The following DMD variants were observed in gnomAD, a reference collection of about 807,000 sequenced individuals.
The protein encoded by DMD is mutant dystrophin.
Under a neutral mutation model 330.1 loss-of-function variants are expected in DMD, and 63 were observed. That is an observed-to-expected ratio of 0.19 (90% CI 0.16 to 0.24). The LOEUF (loss-of-function observed/expected upper bound fraction) is 0.24. Among genes scored for constraint, DMD ranks in the 10% least tolerant of loss-of-function variants. The pLI is 1.00. For synonymous variants in DMD, 1,223 were observed against 959.8 expected, an observed-to-expected ratio of 1.27 and a Z score of -5.07; for missense variants, 3,344 against 2,684.1, an observed-to-expected ratio of 1.25 and a Z score of -5.43.
intron 12 of DMD, among the ~76,000 whole-genome samples, chrX:32,603,072 A>G (rs2056363419): frequency 1.8e-5 from 2 of 111,270 alleles, no homozygotes; most frequent in African/African-American, 6.5e-5. Context: ...CATTATTCTC[A>G]TCTGCACGTG....
intron 53 of DMD, among the ~76,000 whole-genome samples, chrX:31,666,569 T>G (rs2081440280): frequency 1.8e-5 from 2 of 112,116 alleles, no homozygotes; most frequent in Non-Finnish European, 3.8e-5. Flanking sequence ...TTCTAATACC[T>G]CCAGACAGTC....
intron 44 of DMD, among the ~76,000 whole-genome samples, chrX:32,089,436 C>T (rs754788236): frequency 9.3e-4 from 104 of 111,655 alleles, no homozygotes; most frequent in African/African-American, 3.3e-3. Flanking sequence ...TCTCCCTCCA[C>T]TTGTGTTCCA....
chrX:31,496,880 C>G lies in DMD; in HGVS notation c.8455G>C (p.Val2819Leu). ...RLHLSLQELL[V>L]WLQLKDDELS... is the part of the protein sequence containing the mutation. ...TCATCATCTTTCAGCTGTAGCCACA[C>G]CAGAAGTTCCTGCAGAGAAAGGTGC... The change falls in exon 57 of 79, where the codon GTG becomes CTG. Residue 2819 changes from valine to leucine, a missense_variant. Coordinates refer to ENST00000357033, the MANE Select transcript of DMD (RefSeq NM_004006.3). 1 of 1,211,364 alleles carries G rather than the reference C, an allele frequency of 8.3e-7. No homozygotes were observed. Among genetic ancestry groups the G allele is most frequent in the South Asian group, 1.8e-5 (1 of 56,811 alleles).
chrX:32,819,883 G>C lies in DMD; in HGVS notation c.358-3243C>G, dbSNP rs184026773. 2.8e-5 allele frequency among the ~76,000 whole-genome samples: 3 copies of C among 107,724 alleles called. No homozygotes were observed. The Admixed American group carries it at 3.0e-4, about 11-fold the overall frequency. The allele number at this position is 107,724 out of a possible 115,157, so 93.5% of individuals were successfully genotyped here. A position where few individuals can be genotyped will look rare whatever the true frequency, so the allele number is the denominator to read the frequency against. ...AAAAAAAAAGAAAAACACATTTTTA[G>C]ATTCACTGGATTATGATGAACACTG... is the stretch of plus-strand genomic sequence containing the variant. On this transcript the variant is annotated intron_variant, in intron 5 of 78. Coordinates refer to ENST00000357033, the MANE Select transcript of DMD (RefSeq NM_004006.3).
intron 44 of DMD, among the ~76,000 whole-genome samples, chrX:32,037,182 A>T (rs1365073015): frequency 1.8e-5 from 2 of 112,300 alleles, no homozygotes. Context: ...ATACTAGAGA[A>T]TGTTCAAATG....
intron 44 of DMD, among the ~76,000 whole-genome samples, chrX:32,107,336 A>ATG (rs1369594798): frequency 5.1e-5 from 3 of 59,053 alleles, no homozygotes; most frequent in African/African-American, 1.9e-4. Flanking sequence ...ATATATAATT[A>ATG]TATGTGTGTG....
chrX:31,484,967 G>A lies in DMD; in HGVS notation c.8548-5864C>T, dbSNP rs371763288. On this transcript the variant is annotated intron_variant, in intron 57 of 78. Coordinates refer to ENST00000357033, the MANE Select transcript of DMD (RefSeq NM_004006.3). ...TGCAAATTGAGATACAGATAAGTTA[G>A]GGTTTACCTAAGGCCATCAGTTAAT... Among the ~76,000 whole-genome samples, 32 of 111,830 alleles carry A rather than the reference G, an allele frequency of 2.9e-4. No individual in the cohort carries two copies. In the East Asian group the frequency reaches 5.9e-3, roughly 21 times the overall value.
At chrX:31,922,487 T>A (rs1371047255) in intron 47 of DMD, among the ~76,000 whole-genome samples, 1 of 96,038 alleles carries the variant, frequency 1.0e-5, no homozygotes, top group African/African-American at 4.3e-5. Flanking sequence ...AGGCCTGGAC[T>A]TGAGACTGGT....
intron 61 of DMD, among the ~76,000 whole-genome samples, chrX:31,326,337 T>C (rs1481670913): frequency 9.0e-6 from 1 of 111,441 alleles, no homozygotes; most frequent in Non-Finnish European, 1.9e-5. Context: ...TTTAAAAATA[T>C]TATAAATTCT....
chrX:33,336,282 C>T (rs2054253916), intron 1 of DMD, among the ~76,000 whole-genome samples: 1 of 104,916 alleles, frequency 9.5e-6, no homozygotes, highest in Non-Finnish European at 1.9e-5. Flanking sequence ...TGTGTATGCA[C>T]ATGCTTAAGT....
At chrX:31,483,133 A>T (rs182477870) in intron 57 of DMD, among the ~76,000 whole-genome samples, 2 of 93,345 alleles carry the variant, frequency 2.1e-5, no homozygotes, top group Non-Finnish European at 4.1e-5. Context: ...TGCAAGCTCC[A>T]CCTCCCAGGT....
intron 43 of DMD, among the ~76,000 whole-genome samples, chrX:32,280,144 G>GTATATATATA (rs200390755): frequency 1.3e-4 from 6 of 46,158 alleles, no homozygotes; most frequent in Non-Finnish European, 2.3e-4. Context: ...TATATATACA[G>GTATATATATA]TATATATATA....
intron 44 of DMD, among the ~76,000 whole-genome samples, chrX:32,001,469 G>A (rs1166703627): frequency 1.8e-5 from 2 of 109,903 alleles, no homozygotes; most frequent in African/African-American, 6.6e-5. Flanking sequence ...TTCTAAAATT[G>A]TCTTGGGTTA....
chrX:32,303,243 C>T (rs5927962), intron 42 of DMD, among the ~76,000 whole-genome samples: 18,599 of 110,484 alleles, frequency 0.17, 1,268 homozygotes, highest in Non-Finnish European at 0.2. Flanking sequence ...CCAGCGCTTA[C>T]TAACACTGCC....
intron 46 of DMD, 76 bp from the exon 47 acceptor site, chrX:31,929,821 A>C: frequency 1.7e-6 from 2 of 1,145,492 alleles, no homozygotes; most frequent in South Asian, 3.6e-5. Flanking sequence ...GCTTCTATTG[A>C]TTAGTCTATC....
chrX:32,450,461 A>C lies in DMD; in HGVS notation c.3604-1823T>G, dbSNP rs566176017. Among the ~76,000 whole-genome samples the C allele has an allele frequency of 4.7e-4, 52 of 111,059 alleles. No homozygotes were observed. The South Asian group carries it at 0.019, about 40-fold the overall frequency. ...TGAGCATAGAGATTGTTTTTACACA[A>C]ATTGCATTTTGACTTTAGTAATTAT... On this transcript the variant is annotated intron_variant, in intron 26 of 78. Transcript: ENST00000357033.
intron 48 of DMD, among the ~76,000 whole-genome samples, chrX:31,872,274 A>G (rs2093904031): frequency 9.0e-6 from 1 of 111,264 alleles, no homozygotes; most frequent in Admixed American, 9.6e-5. Context: ...GGCAAATATC[A>G]TGACTCTCAG....
At chrX:31,169,994 TTGTAC>T (rs1253669393) in intron 73 of DMD, among the ~76,000 whole-genome samples, 3 of 112,354 alleles carry the variant, frequency 2.7e-5, no homozygotes, top group Non-Finnish European at 3.8e-5. Context: ...CACGCTATTG[TTGTAC>T]TGAGTAGGAA....
intron 44 of DMD, among the ~76,000 whole-genome samples, chrX:32,115,749 A>G (rs2096607856): frequency 1.8e-5 from 2 of 111,705 alleles, no homozygotes; most frequent in South Asian, 7.6e-4. Flanking sequence ...AATTATTCTC[A>G]TACTTTACAT....
Sources: gnomAD v4.1 joint callset for allele counts (sites outside exome capture counted in the v4.1 genomes callset) on GRCh38, gnomAD v4.1.1 for gene constraint, MANE v1.5 for transcripts, NCBI Gene and HGNC (gene_info 2026-07-23, HGNC 2026-07-21) for gene names.